MAN1C1: variants seen among roughly 807,000 people sequenced by gnomAD.
MAN1C1 encodes the protein mannosidase alpha class 1C member 1, also known as mannosyl-oligosaccharide 1,2-alpha-mannosidase IC.
A neutral mutation model predicts 71.5 loss-of-function variants in MAN1C1; 49 were observed. The ratio of observed to expected loss-of-function variants is 0.69; its 90% CI spans 0.54 to 0.87. MAN1C1 has a LOEUF of 0.87. Among genes scored for constraint, MAN1C1 ranks in the 40% least tolerant of loss-of-function variants. The pLI, the probability that MAN1C1 is intolerant of heterozygous loss-of-function variation, is 0.00. For synonymous variants in MAN1C1, 352 were observed against 343.7 expected (o/e 1.02, Z -0.27); for missense variants, 743 against 835.0 (o/e 0.89, Z 1.36).
At chr1:25,688,076 G>A (rs1238369761) in intron 2 of MAN1C1, among the ~76,000 whole-genome samples, 2 of 152,126 alleles carry the variant, frequency 1.3e-5, no homozygotes, top group African/African-American at 4.8e-5. Context: ...TCTTGCTAAT[G>A]TTGGGTAAAG....
At chr1:25,633,456 T>G (rs1369069701) in intron 1 of MAN1C1, among the ~76,000 whole-genome samples, 1 of 152,180 alleles carries the variant, frequency 6.6e-6, no homozygotes, top group African/African-American at 2.4e-5. Context: ...GGGAGTAGTG[T>G]TAGGTACATA....
chr1:25,621,449 A>G (rs1420300920), intron 1 of MAN1C1, among the ~76,000 whole-genome samples: 3 of 152,230 alleles, frequency 2.0e-5, no homozygotes, highest in African/African-American at 7.2e-5. Flanking sequence ...ATAATATAGG[A>G]AATGGGGGAT....
chr1:25,733,204 C>T (rs921602131), intron 2 of MAN1C1, among the ~76,000 whole-genome samples: 2 of 152,184 alleles, frequency 1.3e-5, no homozygotes, highest in Admixed American at 1.3e-4. Flanking sequence ...GCTCCTGCCC[C>T]CGTCCTCCTC....
intron 7 of MAN1C1, among the ~76,000 whole-genome samples, chr1:25,768,751 T>C (rs2124394070): frequency 1.1e-5 from 1 of 88,994 alleles, no homozygotes; most frequent in African/African-American, 4.5e-5. Flanking sequence ...ACACCCACAG[T>C]CCCCTCACAT....
rs776282511 is a variant in MAN1C1 at position 25,778,209 on chromosome 1, C to T, written c.1362C>T (p.Phe454=). The change falls in exon 9 of 12, where the codon TTC becomes TTT. Residue 454 remains phenylalanine, a synonymous_variant. Coordinates refer to ENST00000374332, the MANE Select transcript of MAN1C1 (RefSeq NM_020379.4). This position sits in a 1 kb window ranked among gnomAD's most constrained non-coding sequence, Gnocchi z 5.5. ...LDHKMGHLAC[F]SGGMIALGAE... Reference sequence around the variant, plus strand: ...ACAAGATGGGGCACCTGGCCTGTTTCTCCGGGGGCATGATCGCCCTTGGCG... The same window carrying T: ...ACAAGATGGGGCACCTGGCCTGTTTTTCCGGGGGCATGATCGCCCTTGGCG... 1.7e-5 allele frequency: 27 copies of T among 1,613,986 alleles called. No homozygotes were observed. Among genetic ancestry groups the T allele is most frequent in the Non-Finnish European group, 2.3e-5 (27 of 1,179,924 alleles).
At chr1:25,629,085 G>C (rs1207537319) in intron 1 of MAN1C1, among the ~76,000 whole-genome samples, 1 of 152,116 alleles carries the variant, frequency 6.6e-6, no homozygotes, top group Non-Finnish European at 1.5e-5. Flanking sequence ...TCATGTAATG[G>C]CTTCTTTTTC....
intron 1 of MAN1C1, chr1:25,646,249 C>T (rs12067493): frequency 6.6e-6 from 1 of 152,428 alleles, no homozygotes; most frequent in East Asian, 1.9e-4. Context: ...ATCTCACCAA[C>T]TACACCGAAA....
intron 2 of MAN1C1, among the ~76,000 whole-genome samples, chr1:25,698,573 A>C (rs1312709678): frequency 6.6e-6 from 1 of 152,160 alleles, no homozygotes; most frequent in Non-Finnish European, 1.5e-5. Context: ...TCATACTTCC[A>C]GTGAAGACCG....
intron 1 of MAN1C1, among the ~76,000 whole-genome samples, chr1:25,684,997 C>G (rs967357988): frequency 6.6e-5 from 10 of 152,306 alleles, no homozygotes; most frequent in South Asian, 4.1e-4. Context: ...AACAAGCCCC[C>G]CAGTGATTCT....
In MAN1C1 at chr1:25,775,461, G is replaced by T. The variant is rs2047607052; in HGVS notation, c.1258-2644G>T. On this transcript the variant is annotated intron_variant, in intron 8 of 11. Coordinates refer to ENST00000374332, the MANE Select transcript of MAN1C1 (RefSeq NM_020379.4). The surrounding 1 kb of genome is among the most constrained non-coding windows in gnomAD (Gnocchi z 5.1). The stretch of plus-strand genomic sequence containing the variant: ...AAGGAAAAAACAGACCCAGGAGTGA[G>T]CGAGTGTTCCTTGAGCATCTTCTGT... Among the ~76,000 whole-genome samples the T allele has an allele frequency of 6.6e-6, 1 of 152,274 alleles. No homozygotes were observed. The highest frequency in any genetic ancestry group is 2.4e-5 in the African/African-American group (1 of 41,480).
In MAN1C1 at chr1:25,746,996, A is replaced by G. The variant is rs1310132818; in HGVS notation, c.753+213A>G. Among the ~76,000 whole-genome samples, 11 of 152,154 alleles carry G rather than the reference A, an allele frequency of 7.2e-5. No individual in the cohort carries two copies. Among genetic ancestry groups the G allele is most frequent in the Non-Finnish European group, 1.5e-4 (10 of 68,010 alleles). ...GTGGGGACATCCTCCCCAGTCTAGC[A>G]TCTTCCCTGGGGAGGGGACACAGCC... On this transcript the variant is annotated intron_variant, in intron 3 of 11. Transcript: ENST00000374332. This position sits in a 1 kb window ranked among gnomAD's most constrained non-coding sequence, Gnocchi z 4.0.
At chr1:25,640,427 TAAATTAGC>T (rs929197876) in intron 1 of MAN1C1, among the ~76,000 whole-genome samples, 9 of 152,214 alleles carry the variant, frequency 5.9e-5, no homozygotes, top group Non-Finnish European at 1.2e-4. Flanking sequence ...TTCCTTGACC[TAAATTAGC>T]AAATCTTCCT....
intron 2 of MAN1C1, among the ~76,000 whole-genome samples, chr1:25,726,617 TA>T (rs887182452): frequency 6.6e-6 from 1 of 152,124 alleles, no homozygotes; most frequent in Non-Finnish European, 1.5e-5. Context: ...AGAGCACAAG[TA>T]CAGTAGGCAT....
At chr1:25,705,317 G>C (rs1408414981) in intron 2 of MAN1C1, among the ~76,000 whole-genome samples, 1 of 152,246 alleles carries the variant, frequency 6.6e-6, no homozygotes, top group Non-Finnish European at 1.5e-5. Flanking sequence ...AGAATCATTT[G>C]ATAAATGCCG....
At chr1:25,657,956 G>C (rs1053185704) in intron 1 of MAN1C1, among the ~76,000 whole-genome samples, 9 of 152,242 alleles carry the variant, frequency 5.9e-5, no homozygotes, top group East Asian at 1.9e-4. Flanking sequence ...CCCACCAGCC[G>C]GACCACTGCT....
In MAN1C1 at chr1:25,780,946, A is replaced by C. The variant is rs2047684757; in HGVS notation, c.1484A>C (p.Lys495Thr). ...TGCTTGGCTGTTTCCCCAGACACCA[A>C]ACTTGGGCCTGAGGCCTTCTGGTTT... ...CHESYARSDT[K>T]LGPEAFWFNS... Residue 495 changes from lysine to threonine, a missense_variant, in exon 10 of 12, where the codon AAA becomes ACA. Coordinates refer to ENST00000374332, the MANE Select transcript of MAN1C1 (RefSeq NM_020379.4). 6.2e-7 allele frequency: 1 copy of C among 1,613,856 alleles called. No individual in the cohort carries two copies. The highest frequency in any genetic ancestry group is 8.5e-7 in the Non-Finnish European group (1 of 1,179,858).
intron 1 of MAN1C1, among the ~76,000 whole-genome samples, chr1:25,683,873 G>A (rs1306592293): frequency 6.6e-6 from 1 of 152,204 alleles, no homozygotes; most frequent in Non-Finnish European, 1.5e-5. Flanking sequence ...TTGAGGGAAT[G>A]AAAGCAAGAA....
chr1:25,671,368 ATTG>A (rs1276188466), intron 1 of MAN1C1, among the ~76,000 whole-genome samples: 1 of 152,226 alleles, frequency 6.6e-6, no homozygotes, highest in African/African-American at 2.4e-5. Context: ...TGCATGAGCC[ATTG>A]TTGTATTGAT....
chr1:25,760,890 A>G (rs975468622), intron 6 of MAN1C1: 7 of 152,274 alleles, frequency 4.6e-5, no homozygotes, highest in African/African-American at 1.7e-4. Flanking sequence ...TCTCACCTTC[A>G]TAGCCCCAAA....
Sources: gnomAD v4.1 joint callset for allele counts (sites outside exome capture counted in the v4.1 genomes callset) on GRCh38, gnomAD v4.1.1 for gene constraint, Gnocchi (gnomAD v3.1) non-coding constraint, MANE v1.5 for transcripts, NCBI Gene and HGNC (gene_info 2026-07-23, HGNC 2026-07-21) for gene names.